CNOT6: variants seen among roughly 807,000 people sequenced by gnomAD.
CNOT6 encodes carbon catabolite repression 4 protein.
In CNOT6, 12 loss-of-function variants were observed where a neutral mutation model predicts 61.2. That is an observed-to-expected ratio of 0.20 (90% CI 0.13 to 0.32). CNOT6 has a LOEUF of 0.32. Among genes scored for constraint, CNOT6 ranks in the 10% least tolerant of loss-of-function variants. CNOT6 has a pLI of 1.00. For synonymous variants in CNOT6, 225 were observed against 240.6 expected (o/e 0.94, Z 0.60); for missense variants, 405 against 663.9 (o/e 0.61, Z 4.28).
chr5:180,521,964 T>G (rs1757896577), intron 1 of CNOT6, among the ~76,000 whole-genome samples: 1 of 152,246 alleles, frequency 6.6e-6, no homozygotes, highest in Admixed American at 6.5e-5. Context: ...GTTGATTCCA[T>G]GTTTTTGCTA....
intron 2 of CNOT6, among the ~76,000 whole-genome samples, chr5:180,538,690 A>ATATATATG (rs1758849078): frequency 5.0e-5 from 3 of 59,906 alleles, no homozygotes; most frequent in East Asian, 6.8e-4. Context: ...AAAAAGGTAT[A>ATATATATG]TATATATATA....
intron 4 of CNOT6, among the ~76,000 whole-genome samples, chr5:180,559,124 A>G (rs553101922): frequency 6.6e-6 from 1 of 152,294 alleles, no homozygotes; most frequent in Admixed American, 6.5e-5. Flanking sequence ...ATAAATATCT[A>G]TTAGCTCCTG....
At chr5:180,570,004 C>G (rs1304489410) in intron 10 of CNOT6, among the ~76,000 whole-genome samples, 2 of 152,036 alleles carry the variant, frequency 1.3e-5, no homozygotes, top group African/African-American at 4.8e-5. Context: ...TACGCATGAA[C>G]ACACACACAC....
intron 1 of CNOT6, among the ~76,000 whole-genome samples, chr5:180,529,069 CATG>C (rs887639942): frequency 4.6e-5 from 7 of 151,950 alleles, no homozygotes; most frequent in African/African-American, 1.7e-4. Flanking sequence ...ATGAGCCCGG[CATG>C]GTGGTGCACG....
At chr5:180,516,703 A>C (rs1757653229) in intron 1 of CNOT6, among the ~76,000 whole-genome samples, 1 of 152,128 alleles carries the variant, frequency 6.6e-6, no homozygotes, top group South Asian at 2.1e-4. Flanking sequence ...TTGTCCATAA[A>C]ATTTTTTTTA....
chr5:180,507,286 G>T (rs1757170166), intron 1 of CNOT6, among the ~76,000 whole-genome samples: 2 of 152,128 alleles, frequency 1.3e-5, no homozygotes, highest in African/African-American at 4.8e-5. Flanking sequence ...CTGTTTCCAA[G>T]GGTATTGAGA....
At chr5:180,510,358 GAAAC>G (rs1251655718) in intron 1 of CNOT6, among the ~76,000 whole-genome samples, 3 of 151,872 alleles carry the variant, frequency 2.0e-5, no homozygotes, top group Admixed American at 1.3e-4. Context: ...ACTAGAAAGA[GAAAC>G]AAACAAATGT....
intron 4 of CNOT6, among the ~76,000 whole-genome samples, chr5:180,558,831 C>T (rs78678771): frequency 0.015 from 2,239 of 151,986 alleles, 47 homozygotes; most frequent in African/African-American, 0.051. Flanking sequence ...TATTTTGGGA[C>T]GAGGTCTGGC....
chr5:180,511,426 A>G (rs1282578358), intron 1 of CNOT6, among the ~76,000 whole-genome samples: 1 of 152,098 alleles, frequency 6.6e-6, no homozygotes, highest in Non-Finnish European at 1.5e-5. Context: ...CCTGGCTAAC[A>G]CAGTGAAACC....
At chr5:180,527,911 C>T (rs1336086365) in intron 1 of CNOT6, among the ~76,000 whole-genome samples, 2 of 152,138 alleles carry the variant, frequency 1.3e-5, no homozygotes, top group African/African-American at 2.4e-5. Flanking sequence ...TTGTGAACTG[C>T]GCATGCGAGG....
At chr5:180,556,488 C>T (rs1273650432) in intron 4 of CNOT6, among the ~76,000 whole-genome samples, 1 of 152,174 alleles carries the variant, frequency 6.6e-6, no homozygotes, top group Non-Finnish European at 1.5e-5. Context: ...TTCCACAATG[C>T]ATAACTGTGT....
chr5:180,538,715 T>TATAC (rs1491215146), intron 2 of CNOT6, among the ~76,000 whole-genome samples: 6 of 138,358 alleles, frequency 4.3e-5, no homozygotes, highest in South Asian at 2.3e-4. Context: ...TATATATATA[T>TATAC]ACAAAAAAAT....
chr5:180,533,175 G>A (rs1460378864), intron 2 of CNOT6, among the ~76,000 whole-genome samples: 1 of 152,008 alleles, frequency 6.6e-6, no homozygotes, highest in African/African-American at 2.4e-5. Flanking sequence ...CTGACCCACA[G>A]TGAGATTAGA....
chr5:180,512,534 T>A (rs746152152), intron 1 of CNOT6, among the ~76,000 whole-genome samples: 2 of 152,228 alleles, frequency 1.3e-5, no homozygotes, highest in Non-Finnish European at 2.9e-5. Context: ...GAATCATCAT[T>A]TTAAGTGGGT....
At chr5:180,571,864 G>A (rs1465387428) in intron 11 of CNOT6, among the ~76,000 whole-genome samples, 2 of 152,018 alleles carry the variant, frequency 1.3e-5, no homozygotes, top group Non-Finnish European at 2.9e-5. Flanking sequence ...TGCTCAGCCA[G>A]TAATATTCTT....
At chr5:180,554,417 TAAAA>T (rs33948602) in intron 4 of CNOT6, among the ~76,000 whole-genome samples, 1,922 of 141,138 alleles carry the variant, frequency 0.014, 44 homozygotes, top group African/African-American at 0.046. Context: ...GACTCTGTCT[TAAAA>T]AAAAAAAAAA....
rs1193198256 is a variant in CNOT6 at position 180,528,013 on chromosome 5, C to G, written c.-2-1262C>G. ...TCATCCCGAAACCACCCCACCCTCCCCAAATCTGTGGAAAATTGTCTTCCA... is the reference window on the plus strand; with the variant it reads ...TCATCCCGAAACCACCCCACCCTCCGCAAATCTGTGGAAAATTGTCTTCCA... On this transcript the variant is annotated intron_variant, in intron 1 of 11. Transcript: ENST00000261951. Among the ~76,000 whole-genome samples the G allele has an allele frequency of 4.6e-5, 7 of 152,288 alleles. No individual in the cohort carries two copies. In the South Asian group the frequency reaches 1.2e-3, roughly 27 times the overall value.
At chr5:180,553,775 G>A (rs1240580081) in intron 4 of CNOT6, among the ~76,000 whole-genome samples, 1 of 151,906 alleles carries the variant, frequency 6.6e-6, no homozygotes, top group African/African-American at 2.4e-5. Flanking sequence ...ATAAACAGCT[G>A]TTTTTCTTAG....
intron 2 of CNOT6, among the ~76,000 whole-genome samples, chr5:180,548,677 G>A (rs1759435755): frequency 6.6e-6 from 1 of 152,162 alleles, no homozygotes; most frequent in Non-Finnish European, 1.5e-5. Context: ...GCATTGGTTG[G>A]TGTCTCATCT....
Sources: allele counts gnomAD v4.1 joint callset (sites outside exome capture counted in the v4.1 genomes callset), GRCh38; gene constraint gnomAD v4.1.1; transcripts MANE v1.5; gene names NCBI Gene and HGNC (gene_info 2026-07-23, HGNC 2026-07-21).